Variants in CLSTN1 observed in about 807,000 individuals in gnomAD.
CLSTN1 encodes calsyntenin 1.
Under a neutral mutation model 108.3 loss-of-function variants are expected in CLSTN1, and 28 were observed. The ratio of observed to expected loss-of-function variants is 0.26; its 90% CI spans 0.19 to 0.35. The LOEUF (loss-of-function observed/expected upper bound fraction) is 0.35, where lower values mean the gene tolerates loss of function less well. Among genes scored for constraint, CLSTN1 ranks in the 10% least tolerant of loss-of-function variants. The pLI is 1.00. For synonymous variants in CLSTN1, 524 were observed against 534.9 expected, an observed-to-expected ratio of 0.98 and a Z score of 0.28; for missense variants, 1,157 against 1,302.6, an observed-to-expected ratio of 0.89 and a Z score of 1.72.
chr1:9,815,681 A>G (rs1467062642), intron 1 of CLSTN1, among the ~76,000 whole-genome samples: 1 of 152,218 alleles, frequency 6.6e-6, no homozygotes, highest in Non-Finnish European at 1.5e-5. Flanking sequence ...CACGCCTGTA[A>G]TCCCGGCACT....
At chr1:9,808,514 C>T (rs1003020159) in intron 1 of CLSTN1, among the ~76,000 whole-genome samples, 4 of 152,120 alleles carry the variant, frequency 2.6e-5, no homozygotes, top group Admixed American at 2.6e-4. Flanking sequence ...ATATGAGTTA[C>T]CTTTCCAAAT....
At position 9,812,848 on chromosome 1, in the gene CLSTN1, C is replaced by CAAAA. The variant is rs1266998113; in HGVS notation, c.91+10791_91+10794dup. Among the ~76,000 whole-genome samples, 374 of 86,112 alleles carry CAAAA rather than the reference C, an allele frequency of 4.3e-3. 2 individuals carry two copies. Among genetic ancestry groups the CAAAA allele is most frequent in the East Asian group, 0.037 (102 of 2,726 alleles). The allele number at this position is 86,112 out of a possible 152,430, so 56.5% of individuals were successfully genotyped here. On this transcript the variant is annotated intron_variant, in intron 1 of 18. Coordinates refer to ENST00000377298, the MANE Select transcript of CLSTN1 (RefSeq NM_001009566.3). ...GGGCAACAAGACTGAAACTCTATCT[C>CAAAA]AAAAAAAAAAAAAAAAACAAACAAA...
chr1:9,731,694 A>T (rs1650404373), intron 17 of CLSTN1, 67 bp downstream of exon 17: 1 of 1,511,224 alleles, frequency 6.6e-7, no homozygotes, highest in Admixed American at 1.7e-5. Flanking sequence ...GGCTGTGCCC[A>T]CGGTGGGGTG....
intron 1 of CLSTN1, among the ~76,000 whole-genome samples, chr1:9,788,874 A>AC (rs1436387149): frequency 8.6e-5 from 13 of 150,982 alleles, no homozygotes; most frequent in African/African-American, 3.1e-4. Flanking sequence ...TCTCAAAAAA[A>AC]AAAAAAAAAA....
At chr1:9,752,338 G>C (rs1461425051) in intron 4 of CLSTN1, among the ~76,000 whole-genome samples, 3 of 152,166 alleles carry the variant, frequency 2.0e-5, no homozygotes, top group Non-Finnish European at 4.4e-5. Flanking sequence ...AGGTTTCAAG[G>C]GCTAATGGTC....
intron 10 of CLSTN1, among the ~76,000 whole-genome samples, chr1:9,739,809 A>G (rs1650879188): frequency 1.4e-5 from 2 of 147,438 alleles, no homozygotes; most frequent in East Asian, 4.0e-4. Flanking sequence ...GGAGTGCAAT[A>G]GGGCATTTTT....
intron 1 of CLSTN1, among the ~76,000 whole-genome samples, chr1:9,779,310 T>C (rs1206843514): frequency 6.6e-6 from 1 of 152,128 alleles, no homozygotes; most frequent in Non-Finnish European, 1.5e-5. Flanking sequence ...CAGTGGCTCA[T>C]GCCTGTAATC....
At chr1:9,806,738 G>T (rs1306410573) in intron 1 of CLSTN1, among the ~76,000 whole-genome samples, 1 of 151,764 alleles carries the variant, frequency 6.6e-6, no homozygotes, top group African/African-American at 2.4e-5. Context: ...AATTAACCGG[G>T]CGTGGTGGCG....
intron 6 of CLSTN1, 57 bp downstream of exon 6, chr1:9,749,707 G>A (rs541643831): frequency 8.7e-6 from 14 of 1,610,936 alleles, no homozygotes; most frequent in Middle Eastern, 3.3e-4. Flanking sequence ...CTAGGTTGCT[G>A]CCGCATACAT....
intron 12 of CLSTN1, 44 bp from the exon 13 acceptor site, chr1:9,735,659 A>G (rs766680581): frequency 6.2e-7 from 1 of 1,611,340 alleles, no homozygotes. Flanking sequence ...TAAGCCAGTA[A>G]CCGCAGGAGC....
chr1:9,741,118 G>A lies in CLSTN1; in HGVS notation c.1495C>T (p.Leu499Phe). ...PLHPSKIETQ[L>F]VVGACWQEFS... ...CCTTGCCAGCAAGCCCCCACCACGA[G>A]CTGAGTTTCTATCTTGGATGGATGG... Residue 499 changes from leucine (L) to phenylalanine (F), a missense_variant, in exon 10 of 19, where the codon CTC becomes TTC. By Grantham distance (22) the Leu-to-Phe change is conservative. Coordinates refer to ENST00000377298, the MANE Select transcript of CLSTN1 (RefSeq NM_001009566.3). The A allele has an allele frequency of 6.2e-7, 1 of 1,613,770 alleles. No homozygotes were observed. The highest frequency in any genetic ancestry group is 8.5e-7 in the Non-Finnish European group (1 of 1,179,734).
intron 1 of CLSTN1, among the ~76,000 whole-genome samples, chr1:9,787,733 GAAAATACACAGTATAA>G (rs1653562589): frequency 6.6e-6 from 1 of 151,168 alleles, no homozygotes; most frequent in South Asian, 2.2e-4. Flanking sequence ...TTTAATGTGG[GAAAATACACAGTATAA>G]AAATTTACCA....
chr1:9,795,722 A>G (rs1178678942), intron 1 of CLSTN1, among the ~76,000 whole-genome samples: 3 of 151,366 alleles, frequency 2.0e-5, no homozygotes, highest in Non-Finnish European at 4.4e-5. Flanking sequence ...GGGGAGGCCA[A>G]TGCAGGAGGA....
chr1:9,763,678 T>G (rs1652190250), intron 2 of CLSTN1, among the ~76,000 whole-genome samples: 1 of 152,182 alleles, frequency 6.6e-6, no homozygotes, highest in African/African-American at 2.4e-5. Flanking sequence ...ACCCCATGCA[T>G]CCATTCAGCC....
chr1:9,768,191 T>TGGCACCATGGGGGCGGGGTTGTCCTGGAC (rs1459401731), intron 2 of CLSTN1, among the ~76,000 whole-genome samples: 1 of 150,606 alleles, frequency 6.6e-6, no homozygotes, highest in African/African-American at 2.4e-5. Context: ...CTGTGCTGGG[T>TGGCACCATGGGGGCGGGGTTGTCCTGGAC]GGCACCATGG....
chr1:9,803,383 C>CA (rs1654369281), intron 1 of CLSTN1, among the ~76,000 whole-genome samples: 1 of 152,222 alleles, frequency 6.6e-6, no homozygotes. Context: ...TCAAGGCAGA[C>CA]AGCCCAGGTA....
At chr1:9,750,622 G>A (rs1651509245) in intron 5 of CLSTN1, among the ~76,000 whole-genome samples, 1 of 151,164 alleles carries the variant, frequency 6.6e-6, no homozygotes, top group Admixed American at 6.6e-5. Flanking sequence ...TGTGGCGGGA[G>A]GATCCCGTGA....
In CLSTN1 at chr1:9,741,175, C is replaced by T. The variant is rs139120667; in HGVS notation, c.1438G>A (p.Glu480Lys). The change falls in exon 10 of 19, where the codon GAG (glutamate) becomes AAG (lysine). Residue 480 changes from glutamate to lysine, a missense_variant. Transcript: ENST00000377298. ...TAATCCTCAGTCACAGAGAAGGGCT[C>T]GTGGGACGTGCCATCCACATAGAGA... ...VTLYVDGTSH[E>K]PFSVTEDYPL... 251 of 1,614,020 alleles carry T rather than the reference C, an allele frequency of 1.6e-4. No individual in the cohort carries two copies. The African/African-American group carries it at 2.7e-3, about 18-fold the overall frequency.
At chr1:9,803,192 G>C (rs371548676) in intron 1 of CLSTN1, among the ~76,000 whole-genome samples, 5 of 152,258 alleles carry the variant, frequency 3.3e-5, no homozygotes, top group African/African-American at 1.2e-4. Flanking sequence ...GGGAAGGCAC[G>C]CTGCCAGATT....
Sources: gnomAD v4.1 joint callset for allele counts (sites outside exome capture counted in the v4.1 genomes callset) on GRCh38, gnomAD v4.1.1 for gene constraint, MANE v1.5 for transcripts, NCBI Gene and HGNC (gene_info 2026-07-23, HGNC 2026-07-21) for gene names.